The following FAAP100 variants were observed in gnomAD, a reference collection of about 807,000 sequenced individuals.
FAAP100 encodes FA core complex associated protein 100, also known as Fanconi anemia core complex-associated protein 100.
A neutral mutation model predicts 65.8 loss-of-function variants in FAAP100; 46 were observed. That is an observed-to-expected ratio of 0.70 (90% CI 0.55 to 0.89). The LOEUF is 0.89. Ranked by LOEUF, FAAP100 falls within the 40% of genes least tolerant of loss-of-function variation. The pLI, the probability that FAAP100 is intolerant of heterozygous loss-of-function variation, is 0.00. For synonymous variants in FAAP100, 663 were observed against 555.1 expected, an observed-to-expected ratio of 1.19 and a Z score of -2.73; for missense variants, 1,165 against 1,196.7, an observed-to-expected ratio of 0.97 and a Z score of 0.39.
chr17:81,541,214 G>A, intron 8 of FAAP100, 95 bp downstream of exon 8: 2 of 1,355,364 alleles, frequency 1.5e-6, no homozygotes, highest in South Asian at 1.2e-5. Flanking sequence ...GCGCTGTGAG[G>A]ACTCTGCGGA....
chr17:81,543,968 C>A (rs773160805), intron 7 of FAAP100, 36 bp downstream of exon 7: 27 of 1,575,762 alleles, frequency 1.7e-5, no homozygotes, highest in Non-Finnish European at 2.3e-5. Flanking sequence ...GAGCGACCCA[C>A]AGATCCTGGC....
In FAAP100 at chr17:81,545,755, G is replaced by A. The variant is rs867227331; in HGVS notation, c.2301C>T (p.Ile767=). 9.3e-6 allele frequency: 15 copies of A among 1,611,368 alleles called. No homozygotes were observed. Among genetic ancestry groups the A allele is most frequent in the Non-Finnish European group, 1.3e-5 (15 of 1,179,360 alleles). Residue 767 remains isoleucine, a synonymous_variant, in exon 6 of 9, where the codon ATC becomes ATT. Transcript: ENST00000327787. The stretch of plus-strand genomic sequence containing the variant: ...CTGAACCCCTGCTTGCCTCTCGGAC[G>A]ATGAGGTGAACGTTGGCGCCATCAG... ...VAPDGANVHL[I]VREVAMTDLC...
In FAAP100 at chr17:81,551,013, C is replaced by G; in HGVS notation, c.481G>C (p.Gly161Arg). ...TGGCCTCCTGGCCGGGGGTCCTCCC[C>G]AGGACAGGGCTGCTCAAACAGCTGC... ...KMQLFEQPCP[G>R]EDPRPGGQIG... The change falls in exon 3 of 9, where the codon GGG becomes CGG. Residue 161 changes from glycine (G) to arginine (R), a missense_variant. By Grantham distance (125) the Gly-to-Arg change is moderately radical. Transcript: ENST00000327787. 3 of 1,611,382 alleles carry G rather than the reference C, an allele frequency of 1.9e-6. No homozygotes were observed. The highest frequency in any genetic ancestry group is 2.5e-6 in the Non-Finnish European group (3 of 1,179,370).
Position 81,549,195 on chromosome 17 carries a change from G to C in FAAP100, c.1403+11C>G. The stretch of plus-strand genomic sequence containing the variant: ...CGCCAGCCTCTACCCGGTCCGAGCT[G>C]AGCTGCTCACCTCTCAGAGATGTTG... On this transcript the variant is annotated intron_variant, in intron 4 of 8. Coordinates refer to ENST00000327787, the MANE Select transcript of FAAP100 (RefSeq NM_025161.6). The C allele has an allele frequency of 6.2e-7, 1 of 1,611,268 alleles. No homozygotes were observed. Among genetic ancestry groups the C allele is most frequent in the Non-Finnish European group, 8.5e-7 (1 of 1,179,804 alleles).
rs770947589 is a variant in FAAP100 at position 81,540,905 on chromosome 17, C to T, written c.2560G>A (p.Glu854Lys). 1.9e-5 allele frequency: 31 copies of T among 1,590,156 alleles called. No homozygotes were observed. Among genetic ancestry groups the T allele is most frequent in the Non-Finnish European group, 2.5e-5 (29 of 1,172,728 alleles). ...GTGGCACAGGAGCTGGCCTCATCCT[C>T]CGTGCAGAGCCGGTCGCGCAGGGTC... ...VQTLRDRLCT[E>K]DEASSCATAQ... The change falls in exon 9 of 9, where the codon GAG (glutamate) becomes AAG (lysine). Residue 854 changes from glutamate (E) to lysine (K), a missense_variant. By Grantham distance (56) the Glu-to-Lys change is moderately conservative. Transcript: ENST00000327787.
chr17:81,541,627 G>C (rs150093028), intron 7 of FAAP100, among the ~76,000 whole-genome samples: 5 of 152,212 alleles, frequency 3.3e-5, no homozygotes, highest in Admixed American at 3.3e-4. Flanking sequence ...AAGCGAACTC[G>C]TTTGGTTCTT....
rs1598602585 is a variant in FAAP100 at position 81,552,269 on chromosome 17, A to G, written c.62T>C (p.Leu21Pro). 6.8e-7 allele frequency: 1 copy of G among 1,477,288 alleles called. No individual in the cohort carries two copies. The highest frequency in any genetic ancestry group is 8.9e-7 in the Non-Finnish European group (1 of 1,121,388). The allele number at this position is 1,477,288 out of a possible 1,614,324, so 91.5% of individuals were successfully genotyped here. A position where few individuals can be genotyped will look rare whatever the true frequency, so the allele number is the denominator to read the frequency against. The change falls in exon 1 of 9, where the codon CTG (leucine) becomes CCG (proline). Residue 21 changes from leucine (L) to proline (P), a missense_variant. Coordinates refer to ENST00000327787, the MANE Select transcript of FAAP100 (RefSeq NM_025161.6). Reference protein sequence around the residue: ...LAGFCCPLGGLAAGKPRVLCH... With the variant: ...LAGFCCPLGGPAAGKPRVLCH... ...CAGCACGCGGGGCTTGCCCGCCGCC[A>G]GGCCCCCGAGAGGGCAGCAGAAGCC...
chr17:81,551,520 A>G (rs577868939), intron 2 of FAAP100, among the ~76,000 whole-genome samples: 61 of 152,318 alleles, frequency 4.0e-4, no homozygotes, highest in African/African-American at 1.2e-3. Flanking sequence ...CTCTGCACTG[A>G]AGACAGGCCT....
intron 3 of FAAP100, 115 bp from the exon 4 acceptor site, chr17:81,549,477 G>T: frequency 7.6e-7 from 1 of 1,307,644 alleles, no homozygotes; most frequent in Non-Finnish European, 1.0e-6. Context: ...CAAGGCCAGT[G>T]TCCAGTGAGG....
chr17:81,543,869 G>A, intron 7 of FAAP100, 135 bp downstream of exon 7: 1 of 783,772 alleles, frequency 1.3e-6, no homozygotes, highest in South Asian at 1.7e-5. Flanking sequence ...CTCAGCGGCA[G>A]AGCAGACTTG....
Position 81,552,147 on chromosome 17 carries a change from C to G in FAAP100, c.165+19G>C. On this transcript the variant is annotated intron_variant, in intron 1 of 8. Transcript: ENST00000327787. ...CCGCCCCCGCCCGGTCCCTCCCGCCCCCGCGGGCCGGCGCTCACGGTCAGC... is the reference window on the plus strand; with the variant it reads ...CCGCCCCCGCCCGGTCCCTCCCGCCGCCGCGGGCCGGCGCTCACGGTCAGC... 6.7e-7 allele frequency: 1 copy of G among 1,488,574 alleles called. No individual in the cohort carries two copies. The highest frequency in any genetic ancestry group is 8.9e-7 in the Non-Finnish European group (1 of 1,127,046). 92.2% of individuals were successfully genotyped at this position (1,488,574 alleles called of 1,614,324 possible).
rs557726563 is a variant in FAAP100, at chr17:81,549,900, G to A, written c.1246+348C>T. On this transcript the variant is annotated intron_variant, in intron 3 of 8. Transcript: ENST00000327787. Reference sequence around the variant, plus strand: ...CAGCCTTTGGAAGAAAGGCAAGTCCGGAACAGACCTCCCTGGGCTGCTTGC... The same window carrying A: ...CAGCCTTTGGAAGAAAGGCAAGTCCAGAACAGACCTCCCTGGGCTGCTTGC... Among the ~76,000 whole-genome samples the A allele has an allele frequency of 1.2e-4, 18 of 152,320 alleles. No homozygotes were observed. The East Asian group carries it at 2.1e-3, about 18-fold the overall frequency.
chr17:81,547,621 G>A lies in FAAP100; in HGVS notation c.1461C>T (p.Asn487=), dbSNP rs367963184. 139 of 1,613,092 alleles carry A rather than the reference G, an allele frequency of 8.6e-5. 1 individual carries two copies. Among genetic ancestry groups the A allele is most frequent in the Middle Eastern group, 8.3e-4 (5 of 6,058 alleles). ...GTGCACAGCTCACGTTCATGGCCTC[G>A]TTGAGGCTTGTCAGTGCCTTGTTCC... ...DQRNKALTSL[N]EAMNVSCALL... is the part of the protein sequence containing the mutation. The change falls in exon 5 of 9, where the codon AAC becomes AAT. Residue 487 remains asparagine, a synonymous_variant. Transcript: ENST00000327787.
intron 7 of FAAP100, 53 bp downstream of exon 7, chr17:81,543,951 C>T (rs1353876376): frequency 3.9e-6 from 6 of 1,519,144 alleles, no homozygotes; most frequent in Non-Finnish European, 5.4e-6. Flanking sequence ...CATGCAGGGA[C>T]CTTAGTGAGC....
chr17:81,549,402 AG>A, intron 3 of FAAP100, 40 bp from the exon 4 acceptor site: 1 of 1,572,222 alleles, frequency 6.4e-7, no homozygotes, highest in Admixed American at 1.8e-5. Flanking sequence ...AGCGGCTGGG[AG>A]GGGCAAGCAG....
chr17:81,542,432 C>G (rs182585401), intron 7 of FAAP100, among the ~76,000 whole-genome samples: 5 of 152,138 alleles, frequency 3.3e-5, no homozygotes, highest in Non-Finnish European at 5.9e-5. Context: ...GGCAGTGAGG[C>G]TCCTGCAGGC....
At chr17:81,544,180 C>T in intron 6 of FAAP100, 60 bp from the exon 7 acceptor site, 3 of 1,375,372 alleles carry the variant, frequency 2.2e-6, no homozygotes, top group Admixed American at 1.7e-5. Flanking sequence ...CCGGGGGGCT[C>T]AGGCTACACA....
chr17:81,549,091 T>G, intron 4 of FAAP100, 115 bp downstream of exon 4: 1 of 937,900 alleles, frequency 1.1e-6, no homozygotes, highest in Non-Finnish European at 1.5e-6. Flanking sequence ...AGTAATGGCC[T>G]GGCCTGGACC....
chr17:81,551,750 C>T (rs2033503244), intron 2 of FAAP100, 178 bp downstream of exon 2: 2 of 1,365,734 alleles, frequency 1.5e-6, no homozygotes, highest in East Asian at 3.1e-5. Context: ...GTGAGCAAGA[C>T]ACTTGCAGAA....
Sources: allele counts gnomAD v4.1 joint callset (sites outside exome capture counted in the v4.1 genomes callset), GRCh38; gene constraint gnomAD v4.1.1; transcripts MANE v1.5; gene names NCBI Gene and HGNC (gene_info 2026-07-23, HGNC 2026-07-21).